The following MRPS27 variants were observed in gnomAD, a reference collection of about 807,000 sequenced individuals.
The protein encoded by MRPS27 is small ribosomal subunit protein mS27.
A neutral mutation model predicts 48.9 loss-of-function variants in MRPS27; 43 were observed. The observed-to-expected ratio is 0.88, with a 90% confidence interval of 0.69 to 1.13. The LOEUF is 1.13. Among genes scored for constraint, MRPS27 ranks in the 50% most tolerant of loss-of-function variants. The pLI, the probability that MRPS27 is intolerant of heterozygous loss-of-function variation, is 0.00. For missense variants in MRPS27, 467 were observed against 476.3 expected, an observed-to-expected ratio of 0.98 and a Z score of 0.18; for synonymous variants, 188 against 171.9, an observed-to-expected ratio of 1.09 and a Z score of -0.73.
At chr5:72,298,672 G>C (rs1236006440) in intron 2 of MRPS27, among the ~76,000 whole-genome samples, 1 of 137,170 alleles carries the variant, frequency 7.3e-6, no homozygotes, top group Non-Finnish European at 1.5e-5. Context: ...CGCCACTGCA[G>C]TCCGCAGTCC....
chr5:72,240,444 GA>G (rs11366823), intron 4 of MRPS27, among the ~76,000 whole-genome samples: 9,064 of 152,046 alleles, frequency 0.06, 854 homozygotes, highest in African/African-American at 0.2. Context: ...ATGACTTTGG[GA>G]AAAAAATATA....
intron 4 of MRPS27, among the ~76,000 whole-genome samples, chr5:72,264,061 G>A (rs1056785787): frequency 6.6e-6 from 1 of 152,160 alleles, no homozygotes; most frequent in African/African-American, 2.4e-5. Context: ...TTATTCCACT[G>A]TAAAAAGAAA....
intron 2 of MRPS27, among the ~76,000 whole-genome samples, chr5:72,305,300 G>A (rs973507948): frequency 6.6e-6 from 1 of 152,116 alleles, no homozygotes; most frequent in Non-Finnish European, 1.5e-5. Context: ...TGCAAATACA[G>A]AACTGACAAA....
chr5:72,230,804 C>T (rs1748044286), intron 7 of MRPS27, among the ~76,000 whole-genome samples: 1 of 152,148 alleles, frequency 6.6e-6, no homozygotes, highest in African/African-American at 2.4e-5. Flanking sequence ...GGAAACAACA[C>T]ATGGAACACC....
At chr5:72,291,429 T>C (rs1749817235) in intron 4 of MRPS27, among the ~76,000 whole-genome samples, 1 of 152,222 alleles carries the variant, frequency 6.6e-6, no homozygotes, top group Admixed American at 6.5e-5. Flanking sequence ...ATCAAGATAT[T>C]AAGAAATCTT....
intron 4 of MRPS27, among the ~76,000 whole-genome samples, chr5:72,273,692 G>A (rs1295739559): frequency 6.6e-6 from 1 of 152,156 alleles, no homozygotes; most frequent in Non-Finnish European, 1.5e-5. Flanking sequence ...CATCTATATA[G>A]GGCACTTACC....
chr5:72,315,178 T>C (rs1215567483), intron 1 of MRPS27, among the ~76,000 whole-genome samples: 1 of 152,046 alleles, frequency 6.6e-6, no homozygotes, highest in East Asian at 1.9e-4. Flanking sequence ...CAGGAGAAAA[T>C]ATTTGCAAAA....
In MRPS27 at chr5:72,228,311, T is replaced by A. The variant is rs1435505791; in HGVS notation, c.649A>T (p.Asn217Tyr). ...AACTGGGAACTGAAACCCACTGAGT[T>A]CTTTTGTTTTAGGCCTGGAAGCAAA... is the stretch of plus-strand genomic sequence containing the variant. ...SLLLPGLKQK[N>Y]SVGFSSQLYG... The change falls in exon 8 of 11, where the codon AAC (asparagine) becomes TAC (tyrosine). Residue 217 changes from asparagine (N) to tyrosine (Y), a missense_variant. Physicochemically the swap from Asn to Tyr is moderately radical, Grantham distance 143 (BLOSUM62 -2). Transcript: ENST00000261413. 1 of 1,613,614 alleles carries A rather than the reference T, an allele frequency of 6.2e-7. No individual in the cohort carries two copies. The highest frequency in any genetic ancestry group is 1.3e-5 in the African/African-American group (1 of 74,900).
intron 2 of MRPS27, among the ~76,000 whole-genome samples, chr5:72,299,513 A>T (rs1027606123): frequency 6.6e-6 from 1 of 152,252 alleles, no homozygotes; most frequent in Non-Finnish European, 1.5e-5. Flanking sequence ...TATTAGCTAT[A>T]TATCAGGTTA....
chr5:72,319,054 C>T (rs982572412), intron 1 of MRPS27, among the ~76,000 whole-genome samples: 23 of 152,022 alleles, frequency 1.5e-4, no homozygotes, highest in African/African-American at 5.6e-4. Context: ...TAAAGAAGTG[C>T]GTGCTTTTTA....
intron 4 of MRPS27, among the ~76,000 whole-genome samples, chr5:72,282,121 A>G (rs1409610203): frequency 2.6e-5 from 4 of 152,254 alleles, no homozygotes; most frequent in African/African-American, 9.6e-5. Flanking sequence ...TATCATGAAA[A>G]TGAAAGCAGC....
At chr5:72,222,496 G>C (rs1250242966) in intron 10 of MRPS27, 1 of 152,194 alleles carries the variant, frequency 6.6e-6, no homozygotes, top group East Asian at 1.9e-4. Context: ...AATGAGGGCT[G>C]AGAACTTAAT....
chr5:72,250,688 A>C (rs1270021022), intron 4 of MRPS27, among the ~76,000 whole-genome samples: 1 of 152,198 alleles, frequency 6.6e-6, no homozygotes, highest in Non-Finnish European at 1.5e-5. Context: ...ATCACATAGG[A>C]GCTATTTAGG....
At chr5:72,273,610 T>G (rs573291351) in intron 4 of MRPS27, among the ~76,000 whole-genome samples, 72 of 152,344 alleles carry the variant, frequency 4.7e-4, no homozygotes, top group African/African-American at 1.5e-3. Context: ...AATGGTTAAG[T>G]ATTTGTGTCT....
chr5:72,243,829 A>G (rs1357663236), intron 4 of MRPS27, among the ~76,000 whole-genome samples: 1 of 152,234 alleles, frequency 6.6e-6, no homozygotes, highest in East Asian at 1.9e-4. Context: ...TACAAACAAA[A>G]AAATTCATAC....
chr5:72,222,258 T>G (rs912677792), intron 10 of MRPS27, among the ~76,000 whole-genome samples: 2 of 152,248 alleles, frequency 1.3e-5, no homozygotes, highest in Admixed American at 6.5e-5. Flanking sequence ...CAAGACAGCT[T>G]GGGACACCAG....
chr5:72,249,271 CT>C (rs1320419315), intron 4 of MRPS27, among the ~76,000 whole-genome samples: 1 of 152,208 alleles, frequency 6.6e-6, no homozygotes, highest in Non-Finnish European at 1.5e-5. Context: ...AAGCTCCTCT[CT>C]TCTGCATTTG....
chr5:72,260,668 A>G (rs185466130), intron 4 of MRPS27, among the ~76,000 whole-genome samples: 167 of 152,316 alleles, frequency 1.1e-3, no homozygotes, highest in African/African-American at 3.8e-3. Flanking sequence ...CACAGAAGGT[A>G]AAATTACAAC....
At chr5:72,308,586 C>T (rs751240869) in intron 2 of MRPS27, among the ~76,000 whole-genome samples, 1 of 152,236 alleles carries the variant, frequency 6.6e-6, no homozygotes, top group Non-Finnish European at 1.5e-5. Flanking sequence ...AGGGGCCACA[C>T]TGCCACCTAC....
Sources: gnomAD v4.1 joint callset for allele counts (sites outside exome capture counted in the v4.1 genomes callset) on GRCh38, gnomAD v4.1.1 for gene constraint, MANE v1.5 for transcripts, NCBI Gene and HGNC (gene_info 2026-07-23, HGNC 2026-07-21) for gene names.